SPOCK3: variants seen among roughly 807,000 people sequenced by gnomAD.
The protein encoded by SPOCK3 is testican-3.
In SPOCK3, 30 loss-of-function variants were observed where a neutral mutation model predicts 56.6. The observed-to-expected ratio is 0.53, with a 90% CI of 0.40 to 0.72. The LOEUF (loss-of-function observed/expected upper bound fraction) is 0.72, where lower values mean the gene tolerates loss of function less well. Among genes scored for constraint, SPOCK3 ranks in the 30% least tolerant of loss-of-function variants. The pLI is 0.00. For missense variants in SPOCK3, 527 were observed against 530.0 expected, an observed-to-expected ratio of 0.99 and a Z score of 0.06; for synonymous variants, 196 against 183.3, an observed-to-expected ratio of 1.07 and a Z score of -0.56.
intron 2 of SPOCK3, among the ~76,000 whole-genome samples, chr4:167,217,127 A>G (rs1735440395): frequency 6.6e-6 from 1 of 152,130 alleles, no homozygotes; most frequent in Non-Finnish European, 1.5e-5. Context: ...CCTTTTATTA[A>G]TGAATGTAAA....
chr4:166,847,172 T>G (rs964218252), intron 6 of SPOCK3, among the ~76,000 whole-genome samples: 1 of 152,126 alleles, frequency 6.6e-6, no homozygotes, highest in Non-Finnish European at 1.5e-5. Context: ...GGTCATATGA[T>G]GGAGGAAATA....
intron 6 of SPOCK3, among the ~76,000 whole-genome samples, chr4:166,806,249 T>C (rs1309644429): frequency 6.6e-6 from 1 of 152,110 alleles, no homozygotes; most frequent in Non-Finnish European, 1.5e-5. Context: ...ATACTTCACA[T>C]GGCTCAAGTC....
At chr4:167,126,414 T>C (rs1238465147) in intron 2 of SPOCK3, among the ~76,000 whole-genome samples, 1 of 152,102 alleles carries the variant, frequency 6.6e-6, no homozygotes. Context: ...CTGGGCGTGA[T>C]GGTGCACACC....
intron 3 of SPOCK3, among the ~76,000 whole-genome samples, chr4:167,023,301 A>G (rs548221287): frequency 6.6e-6 from 1 of 152,096 alleles, no homozygotes; most frequent in South Asian, 2.1e-4. Flanking sequence ...ATTGATAGCC[A>G]TGGGTACTGT....
chr4:166,970,134 C>T (rs1299900670), intron 4 of SPOCK3, among the ~76,000 whole-genome samples: 2 of 152,204 alleles, frequency 1.3e-5, no homozygotes, highest in Non-Finnish European at 2.9e-5. Flanking sequence ...GGTAAAGTAG[C>T]TGTAGTCTGA....
At position 166,884,439 on chromosome 4, in the gene SPOCK3, C is replaced by T. The variant is rs964359082; in HGVS notation, c.589+4691G>A. 3.3e-5 allele frequency among the ~76,000 whole-genome samples: 5 copies of T among 151,836 alleles called. No individual in the cohort carries two copies. In the South Asian group the frequency reaches 8.3e-4, roughly 25 times the overall value. On this transcript the variant is annotated intron_variant, in intron 6 of 10. Transcript: ENST00000357545. ...GATTGTACTGATGAGTTGTTTCAAG[C>T]TCTCAATGTACAAATATTTTGCAAA...
chr4:166,790,413 G>A (rs187319582), intron 7 of SPOCK3, among the ~76,000 whole-genome samples: 2 of 152,138 alleles, frequency 1.3e-5, no homozygotes, highest in African/African-American at 4.8e-5. Context: ...GGGAGCCGAG[G>A]GACCCAGCCA....
At chr4:166,824,593 A>C (rs189673642) in intron 6 of SPOCK3, among the ~76,000 whole-genome samples, 1 of 152,254 alleles carries the variant, frequency 6.6e-6, no homozygotes, top group Admixed American at 6.5e-5. Flanking sequence ...AAATAAAGAC[A>C]TGAGGAAGAA....
At chr4:167,053,542 A>C (rs1754439747) in intron 3 of SPOCK3, among the ~76,000 whole-genome samples, 1 of 151,672 alleles carries the variant, frequency 6.6e-6, no homozygotes, top group Admixed American at 6.6e-5. Context: ...AAAATTAGCC[A>C]GGTGTGGTGG....
At chr4:166,955,365 A>T (rs1743283084) in intron 4 of SPOCK3, among the ~76,000 whole-genome samples, 1 of 150,634 alleles carries the variant, frequency 6.6e-6, no homozygotes, top group Non-Finnish European at 1.5e-5. Context: ...TAACTACCAC[A>T]GATTAAACAG....
chr4:166,783,499 T>G (rs916079253), intron 7 of SPOCK3, among the ~76,000 whole-genome samples: 8 of 152,170 alleles, frequency 5.3e-5, no homozygotes, highest in African/African-American at 1.9e-4. Context: ...AAAATAAGCA[T>G]GCATTACTTG....
At chr4:166,850,819 A>C (rs1729928017) in intron 6 of SPOCK3, among the ~76,000 whole-genome samples, 1 of 152,186 alleles carries the variant, frequency 6.6e-6, no homozygotes, top group Non-Finnish European at 1.5e-5. Flanking sequence ...AGGGTCCTAC[A>C]CCCACAGAGT....
intron 2 of SPOCK3, among the ~76,000 whole-genome samples, chr4:167,220,104 A>C (rs1000778410): frequency 6.6e-6 from 1 of 152,164 alleles, no homozygotes; most frequent in African/African-American, 2.4e-5. Context: ...CTCAGAACCC[A>C]GTCAACAATG....
chr4:167,099,988 C>A (rs560793574), intron 2 of SPOCK3, among the ~76,000 whole-genome samples: 1 of 152,116 alleles, frequency 6.6e-6, no homozygotes, highest in Non-Finnish European at 1.5e-5. Flanking sequence ...CAATAACTAA[C>A]ATCACTTAGG....
At position 166,754,602 on chromosome 4, in the gene SPOCK3, T is replaced by C. The variant is rs145709247; in HGVS notation, c.837A>G (p.Glu279=). 1.9e-6 allele frequency: 3 copies of C among 1,613,656 alleles called. No individual in the cohort carries two copies. The African/African-American group carries it at 4.0e-5, about 22-fold the overall frequency. The part of the protein sequence containing the change: ...ELRSIYLDKN[E]QCTKAFFNSC... Reference sequence around the variant, plus strand: ...AATTGAAGAATGCCTTGGTACACTGTTCATTCTTATCAAGGTAAATGCTTC... The same window carrying C: ...AATTGAAGAATGCCTTGGTACACTGCTCATTCTTATCAAGGTAAATGCTTC... Residue 279 remains glutamate, a synonymous_variant, in exon 8 of 11, where the codon GAA becomes GAG. Transcript: ENST00000357545.
At chr4:166,742,234 C>CTATCT (rs1553961145) in intron 8 of SPOCK3, among the ~76,000 whole-genome samples, 175 bp from the exon 9 acceptor site, 1,555 of 121,934 alleles carry the variant, frequency 0.013, 10 homozygotes, top group South Asian at 0.023. Flanking sequence ...GTCTATCTAT[C>CTATCT]ATCTATCTAT....
At chr4:166,992,140 T>C (rs1747859189) in intron 4 of SPOCK3, among the ~76,000 whole-genome samples, 1 of 152,060 alleles carries the variant, frequency 6.6e-6, no homozygotes, top group Admixed American at 6.6e-5. Context: ...ATTAAAATAT[T>C]CCCATTTGGA....
chr4:166,792,838 CTATAAAATA>C (rs201042639), intron 6 of SPOCK3, among the ~76,000 whole-genome samples: 2,096 of 152,006 alleles, frequency 0.014, 58 homozygotes, highest in African/African-American at 0.048. Context: ...TAGGAAAAAA[CTATAAAATA>C]TTTAAGAAAG....
At position 166,912,705 on chromosome 4, in the gene SPOCK3, C is replaced by T. The variant is rs767849456; in HGVS notation, c.389G>A (p.Gly130Asp). ...CTGCTTGCAGGTGGATAATATGGGA[C>T]CCCTCCACTGCCTATGGTCTACTCC... The part of the protein sequence containing the change: ...EAGVDHRQWR[G>D]PILSTCKQCP... Residue 130 changes from glycine to aspartate, a missense_variant, in exon 5 of 11, where the codon GGT (glycine) becomes GAT (aspartate). Gly to Asp is a moderately conservative substitution (Grantham distance 94). Coordinates refer to ENST00000357545, the MANE Select transcript of SPOCK3 (RefSeq NM_001040159.2). 1.6e-5 allele frequency: 26 copies of T among 1,613,130 alleles called. No homozygotes were observed. The highest frequency in any genetic ancestry group is 2.2e-5 in the East Asian group (1 of 44,796).
Sources: gnomAD v4.1 joint callset for allele counts (sites outside exome capture counted in the v4.1 genomes callset) on GRCh38, gnomAD v4.1.1 for gene constraint, MANE v1.5 for transcripts, NCBI Gene and HGNC (gene_info 2026-07-23, HGNC 2026-07-21) for gene names.